The following RFX3 variants were observed in gnomAD, a reference collection of about 807,000 sequenced individuals.
RFX3 encodes regulatory factor X3, also known as transcription factor RFX3.
In RFX3, 14 loss-of-function variants were observed where a neutral mutation model predicts 98.6. The ratio of observed to expected loss-of-function variants is 0.14; its 90% CI spans 0.09 to 0.22. RFX3 has a LOEUF of 0.22. Among genes scored for constraint, RFX3 ranks in the 10% least tolerant of loss-of-function variants. RFX3 has a pLI of 1.00. For missense variants in RFX3, 639 were observed against 926.9 expected (o/e 0.69, Z 4.03); for synonymous variants, 383 against 328.4 (o/e 1.17, Z -1.80).
intron 1 of RFX3, among the ~76,000 whole-genome samples, chr9:3,482,192 A>G (rs943384463): frequency 2.6e-5 from 4 of 152,052 alleles, no homozygotes; most frequent in African/African-American, 9.7e-5. Flanking sequence ...AATTTTATTC[A>G]TTACCATTAA....
In RFX3 at chr9:3,224,841, TTAAGAA is replaced by T. The variant is rs1817590801; in HGVS notation, c.*195_*200del. The T allele has an allele frequency of 8.4e-6, 4 of 475,672 alleles. No individual in the cohort carries two copies. The highest frequency in any genetic ancestry group is 1.5e-5 in the Non-Finnish European group (4 of 274,236). 29.5% of individuals were successfully genotyped at this position (475,672 alleles called of 1,614,324 possible). A position where few individuals can be genotyped will look rare whatever the true frequency, so the allele number is the denominator to read the frequency against. On this transcript the variant is annotated 3_prime_UTR_variant, in exon 17 of 17. Coordinates refer to ENST00000617270, the MANE Select transcript of RFX3 (RefSeq NM_001282116.2). ...TGAAACTAAGGGAAAAAATTCATTA[TTAAGAA>T]GCAAATAATTTGTTTACGTTAAAAA...
chr9:3,309,695 A>G (rs1013392027), intron 4 of RFX3, among the ~76,000 whole-genome samples: 4 of 152,234 alleles, frequency 2.6e-5, no homozygotes, highest in African/African-American at 9.6e-5. Context: ...ACATATTGTG[A>G]AAAGAAAAAT....
chr9:3,395,282 A>C (rs1161798954), intron 2 of RFX3, among the ~76,000 whole-genome samples, 190 bp downstream of exon 2: 1 of 152,242 alleles, frequency 6.6e-6, no homozygotes, highest in Non-Finnish European at 1.5e-5. Flanking sequence ...TTGTATCCCT[A>C]TAGCCTAGCA....
chr9:3,423,713 A>C (rs912153695), intron 1 of RFX3, among the ~76,000 whole-genome samples: 1 of 146,880 alleles, frequency 6.8e-6, no homozygotes, highest in African/African-American at 2.5e-5. Flanking sequence ...CATAGATATA[A>C]ATTTTAAAAA....
intron 1 of RFX3, among the ~76,000 whole-genome samples, chr9:3,432,605 G>A (rs544830837): frequency 7.7e-4 from 118 of 152,272 alleles, no homozygotes; most frequent in Non-Finnish European, 1.4e-3. Flanking sequence ...GGTAATGGAT[G>A]AAAGGTTTGA....
intron 1 of RFX3, among the ~76,000 whole-genome samples, chr9:3,516,036 T>C (rs1416047458): frequency 6.6e-6 from 1 of 151,924 alleles, no homozygotes; most frequent in African/African-American, 2.4e-5. Context: ...ACCAAAGTAG[T>C]ATTAAAGTAA....
At chr9:3,273,440 A>G (rs1052109813) in intron 9 of RFX3, among the ~76,000 whole-genome samples, 5 of 152,200 alleles carry the variant, frequency 3.3e-5, no homozygotes, top group Admixed American at 1.3e-4. Flanking sequence ...TACAAATCTT[A>G]TAATTCAAAG....
At chr9:3,318,314 C>T (rs201501094) in intron 4 of RFX3, among the ~76,000 whole-genome samples, 2 of 151,962 alleles carry the variant, frequency 1.3e-5, no homozygotes, top group African/African-American at 4.8e-5. Context: ...TAGGTGGGAA[C>T]TGAACAATGA....
intron 3 of RFX3, among the ~76,000 whole-genome samples, chr9:3,331,208 T>C (rs1832563905): frequency 1.3e-5 from 2 of 152,188 alleles, no homozygotes; most frequent in African/African-American, 4.8e-5. Context: ...ATAAGGTCAC[T>C]TGTGACCACA....
intron 1 of RFX3, among the ~76,000 whole-genome samples, chr9:3,519,140 T>C (rs540288937): frequency 6.6e-6 from 1 of 152,150 alleles, no homozygotes; most frequent in Middle Eastern, 3.2e-3. Context: ...TAATGACATA[T>C]TACATCATTA....
intron 1 of RFX3, among the ~76,000 whole-genome samples, chr9:3,517,301 AC>A (rs1448827616): frequency 1.3e-5 from 2 of 152,098 alleles, no homozygotes; most frequent in Non-Finnish European, 2.9e-5. Flanking sequence ...TAGAGTGAGA[AC>A]CTTTATTTTC....
chr9:3,463,901 A>C (rs2133097757), intron 1 of RFX3, among the ~76,000 whole-genome samples: 1 of 152,244 alleles, frequency 6.6e-6, no homozygotes, highest in East Asian at 1.9e-4. Context: ...TGGGCCTGGG[A>C]AGTCAAGGCT....
intron 4 of RFX3, among the ~76,000 whole-genome samples, chr9:3,319,377 G>T (rs1830999497): frequency 6.6e-6 from 1 of 151,928 alleles, no homozygotes; most frequent in African/African-American, 2.4e-5. Context: ...CATTGCCAGA[G>T]TCAGACTGCA....
rs1817401356 is a variant in RFX3 at position 3,222,710 on chromosome 9, A to G, written c.*2332T>C. 1 of 152,190 alleles carries G rather than the reference A, an allele frequency of 6.6e-6. No homozygotes were observed. The highest frequency in any genetic ancestry group is 2.4e-5 in the African/African-American group (1 of 41,450). The allele number at this position is 152,190 out of a possible 1,614,324, so 9.4% of individuals were successfully genotyped here. A position where few individuals can be genotyped will look rare whatever the true frequency, so the allele number is the denominator to read the frequency against. On this transcript the variant is annotated 3_prime_UTR_variant, in exon 17 of 17. Coordinates refer to ENST00000617270, the MANE Select transcript of RFX3 (RefSeq NM_001282116.2). Reference sequence around the variant, plus strand: ...TTCCTATGCACAATGAAGTAGATACATGAACTTTTGCAGATTATCATGTTT... The same window carrying G: ...TTCCTATGCACAATGAAGTAGATACGTGAACTTTTGCAGATTATCATGTTT...
At chr9:3,374,320 C>A (rs1838207333) in intron 2 of RFX3, among the ~76,000 whole-genome samples, 1 of 152,142 alleles carries the variant, frequency 6.6e-6, no homozygotes, top group South Asian at 2.1e-4. Context: ...AATTCCGCTT[C>A]TCAGTATATA....
chr9:3,337,272 T>A (rs1833299722), intron 3 of RFX3, among the ~76,000 whole-genome samples: 1 of 152,298 alleles, frequency 6.6e-6, no homozygotes, highest in East Asian at 1.9e-4. Context: ...GGAAGCTTGC[T>A]CAGTGTAGTG....
At chr9:3,376,723 C>T (rs960712375) in intron 2 of RFX3, among the ~76,000 whole-genome samples, 2 of 152,050 alleles carry the variant, frequency 1.3e-5, no homozygotes, top group Non-Finnish European at 2.9e-5. Context: ...CCAGAATCTA[C>T]AATGAACTCA....
chr9:3,433,260 C>T (rs931665966), intron 1 of RFX3, among the ~76,000 whole-genome samples: 4 of 152,092 alleles, frequency 2.6e-5, no homozygotes, highest in East Asian at 3.9e-4. Flanking sequence ...CTACCTCCTC[C>T]GCCTCTTCCA....
intron 1 of RFX3, among the ~76,000 whole-genome samples, chr9:3,470,224 A>C (rs1848654692): frequency 6.6e-6 from 1 of 152,210 alleles, no homozygotes; most frequent in African/African-American, 2.4e-5. Flanking sequence ...ATACTAAGTA[A>C]ATATTTCACT....
Sources: gnomAD v4.1 joint callset for allele counts (sites outside exome capture counted in the v4.1 genomes callset) on GRCh38, gnomAD v4.1.1 for gene constraint, MANE v1.5 for transcripts, NCBI Gene and HGNC (gene_info 2026-07-23, HGNC 2026-07-21) for gene names.